Variants in CACNB4 observed in about 807,000 individuals in gnomAD.
CACNB4 encodes the protein voltage-dependent L-type calcium channel subunit beta-4.
Under a neutral mutation model 71.2 loss-of-function variants are expected in CACNB4, and 32 were observed. The ratio of observed to expected loss-of-function variants is 0.45; its 90% CI spans 0.34 to 0.60. CACNB4 has a LOEUF of 0.60. Among genes scored for constraint, CACNB4 ranks in the 20% least tolerant of loss-of-function variants. The probability of loss-of-function intolerance (pLI) is 0.01; values close to 1 mark genes in which losing one functional copy is unlikely to be tolerated. For synonymous variants in CACNB4, 231 were observed against 236.9 expected (o/e 0.97, Z 0.23); for missense variants, 464 against 647.9 (o/e 0.72, Z 3.08).
chr2:152,029,154 T>C (rs992384767), intron 2 of CACNB4, among the ~76,000 whole-genome samples: 1 of 152,138 alleles, frequency 6.6e-6, no homozygotes, highest in Non-Finnish European at 1.5e-5. Context: ...ATGAGGGTCT[T>C]ATAAGGACAC....
At chr2:152,016,077 A>G (rs1361979529) in intron 2 of CACNB4, among the ~76,000 whole-genome samples, 1 of 152,254 alleles carries the variant, frequency 6.6e-6, no homozygotes, top group Non-Finnish European at 1.5e-5. Flanking sequence ...ACCAATTGCT[A>G]TAGTATTAGA....
chr2:151,981,311 C>A (rs975505472), intron 2 of CACNB4, among the ~76,000 whole-genome samples: 2 of 145,052 alleles, frequency 1.4e-5, no homozygotes, highest in African/African-American at 5.2e-5. Flanking sequence ...ACAAAATTCA[C>A]ACTGTGAGCC....
chr2:152,052,071 C>T (rs1041638228), intron 2 of CACNB4, among the ~76,000 whole-genome samples: 32 of 152,302 alleles, frequency 2.1e-4, no homozygotes, highest in Middle Eastern at 3.4e-3. Context: ...CCGCTTATGG[C>T]GGGGTTACAT....
At chr2:151,916,135 CTTA>C (rs2151553517) in intron 2 of CACNB4, among the ~76,000 whole-genome samples, 1 of 152,276 alleles carries the variant, frequency 6.6e-6, no homozygotes, top group South Asian at 2.1e-4. Context: ...GATTCACACG[CTTA>C]TTATGGGTTT....
intron 3 of CACNB4, among the ~76,000 whole-genome samples, chr2:151,882,344 A>G (rs1422746345): frequency 6.6e-6 from 1 of 151,902 alleles, no homozygotes; most frequent in Non-Finnish European, 1.5e-5. Flanking sequence ...GTGAGCCACC[A>G]TGCACAGCCT....
chr2:151,934,770 G>A (rs1331819237), intron 2 of CACNB4, among the ~76,000 whole-genome samples: 2 of 152,164 alleles, frequency 1.3e-5, no homozygotes, highest in Non-Finnish European at 2.9e-5. Flanking sequence ...CCGGGAGGCG[G>A]AGGTTGCAGT....
intron 2 of CACNB4, among the ~76,000 whole-genome samples, chr2:151,953,269 G>A (rs1167337257): frequency 6.6e-6 from 1 of 151,944 alleles, no homozygotes; most frequent in Non-Finnish European, 1.5e-5. Context: ...ATACCTGCTG[G>A]TGTGGGTCCC....
intron 5 of CACNB4, among the ~76,000 whole-genome samples, chr2:151,875,443 T>C (rs1406418271): frequency 6.6e-6 from 1 of 152,048 alleles, no homozygotes; most frequent in African/African-American, 2.4e-5. Context: ...TTTCCCCACC[T>C]TTCCCCCTTT....
At chr2:151,880,269 T>A (rs1339317612) in intron 4 of CACNB4, 3 of 154,116 alleles carry the variant, frequency 1.9e-5, no homozygotes, top group Non-Finnish European at 4.3e-5. Flanking sequence ...CCTTCTTGGC[T>A]ACTCAAACAC....
At chr2:152,096,785 T>C (rs1285463831) in intron 2 of CACNB4, among the ~76,000 whole-genome samples, 2 of 152,180 alleles carry the variant, frequency 1.3e-5, no homozygotes, top group Non-Finnish European at 2.9e-5. Context: ...GTAAGAATAT[T>C]AGAATATTAT....
chr2:152,088,184 C>CACAT (rs1553836885), intron 2 of CACNB4, among the ~76,000 whole-genome samples: 4 of 151,366 alleles, frequency 2.6e-5, no homozygotes, highest in African/African-American at 9.7e-5. Flanking sequence ...CACACACACA[C>CACAT]GGCAAATTAA....
At chr2:151,877,508 G>A (rs1342018413) in intron 4 of CACNB4, among the ~76,000 whole-genome samples, 2 of 152,138 alleles carry the variant, frequency 1.3e-5, no homozygotes, top group East Asian at 3.9e-4. Context: ...CTGGAACTCT[G>A]GAAGGCAAGA....
At chr2:151,933,633 A>G (rs2099862180) in intron 2 of CACNB4, among the ~76,000 whole-genome samples, 1 of 152,078 alleles carries the variant, frequency 6.6e-6, no homozygotes, top group Non-Finnish European at 1.5e-5. Context: ...AGACCCTACT[A>G]CTTCTACTCA....
chr2:152,098,638 C>T lies in CACNB4; in HGVS notation c.64-225G>A, dbSNP rs1280727573. ...TCGAGAAGAGCAGCCCGCAAGCACC[C>T]ACCACATCCATTAACAAAGACTCTC... On this transcript the variant is annotated intron_variant, in intron 1 of 13. Transcript: ENST00000539935. The surrounding 1 kb of genome is among the most constrained non-coding windows in gnomAD (Gnocchi z 5.3). The T allele has an allele frequency of 2.9e-5, 45 of 1,572,054 alleles. No individual in the cohort carries two copies. The highest frequency in any genetic ancestry group is 3.6e-5 in the Non-Finnish European group (42 of 1,158,700).
At chr2:151,940,565 T>C (rs1049848448) in intron 2 of CACNB4, among the ~76,000 whole-genome samples, 2 of 152,174 alleles carry the variant, frequency 1.3e-5, no homozygotes, top group African/African-American at 4.8e-5. Context: ...GGTTCAGGAT[T>C]GAATTTAAGT....
At chr2:151,949,803 C>T (rs764534291) in intron 2 of CACNB4, among the ~76,000 whole-genome samples, 12 of 152,170 alleles carry the variant, frequency 7.9e-5, no homozygotes, top group Non-Finnish European at 1.6e-4. Context: ...AATACTGGCA[C>T]TTTGGGAGGC....
chr2:151,843,748 G>C (rs528055605), intron 12 of CACNB4, among the ~76,000 whole-genome samples: 1 of 152,292 alleles, frequency 6.6e-6, no homozygotes, highest in South Asian at 2.1e-4. Flanking sequence ...CACTGATAAA[G>C]CTGGCTGAAA....
rs1245903438 is a variant in CACNB4 at position 151,838,684 on chromosome 2, G to A, written c.*435C>T. ...TATTAGTTTTTTTTTTTTCCCCCCA[G>A]ATTTTTCAGTTGATTACAACATGCT... On this transcript the variant is annotated 3_prime_UTR_variant, in exon 14 of 14. Coordinates refer to ENST00000539935, the MANE Select transcript of CACNB4 (RefSeq NM_000726.5). The A allele has an allele frequency of 1.3e-5, 2 of 151,106 alleles. No individual in the cohort carries two copies. The highest frequency in any genetic ancestry group is 3.9e-4 in the East Asian group (2 of 5,152). The allele number at this position is 151,106 out of a possible 1,614,324, so 9.4% of individuals were successfully genotyped here.
intron 2 of CACNB4, among the ~76,000 whole-genome samples, chr2:151,937,302 G>A (rs371715131): frequency 1.3e-5 from 2 of 152,166 alleles, no homozygotes; most frequent in South Asian, 4.1e-4. Flanking sequence ...TACCATTGGT[G>A]AAGTATTCTT....
Sources: allele counts gnomAD v4.1 joint callset (sites outside exome capture counted in the v4.1 genomes callset), GRCh38; gene constraint gnomAD v4.1.1; non-coding constraint Gnocchi (gnomAD v3.1); transcripts MANE v1.5; gene names NCBI Gene and HGNC (gene_info 2026-07-23, HGNC 2026-07-21).